The following PKHD1 variants were observed in gnomAD, a reference collection of about 807,000 sequenced individuals.
PKHD1 encodes the protein PKHD1 ciliary IPT domain containing fibrocystin/polyductin.
In PKHD1, 291 loss-of-function variants were observed where a neutral mutation model predicts 412.0. The observed-to-expected ratio is 0.71, with a 90% CI of 0.64 to 0.78. The LOEUF is 0.78. PKHD1 is among the 30% of genes least tolerant of loss of function. The pLI is 0.00. For synonymous variants in PKHD1, 1,777 were observed against 1,821.5 expected (o/e 0.98, Z 0.62); for missense variants, 4,825 against 4,950.7 (o/e 0.97, Z 0.76).
intron 36 of PKHD1, among the ~76,000 whole-genome samples, chr6:51,957,067 C>T (rs570473806): frequency 6.6e-6 from 1 of 152,152 alleles, no homozygotes; most frequent in East Asian, 1.9e-4. Context: ...ACCCATGAAG[C>T]CTTATTTTCC....
Position 51,902,660 on chromosome 6 carries a change from A to C in PKHD1, c.6996+937T>G, listed in dbSNP as rs77850812. ...AGTGGATGCTGAGAGGAGTTTCCTG[A>C]AACAGTGAGGCCCTTAACTCCTTTG... is the stretch of plus-strand genomic sequence containing the variant. On this transcript the variant is annotated intron_variant, in intron 43 of 66. Transcript: ENST00000371117. 4.9e-3 allele frequency among the ~76,000 whole-genome samples: 750 copies of C among 152,316 alleles called. 6 individuals carry two copies. Among genetic ancestry groups the C allele is most frequent in the African/African-American group, 0.017 (718 of 41,574 alleles).
chr6:51,899,503 G>A (rs1464980800), intron 43 of PKHD1, among the ~76,000 whole-genome samples: 1 of 151,818 alleles, frequency 6.6e-6, no homozygotes, highest in Admixed American at 6.6e-5. Context: ...ATTAGGTATT[G>A]ATGGGATGTA....
At chr6:51,899,223 CT>C (rs924819638) in intron 43 of PKHD1, among the ~76,000 whole-genome samples, 1 of 149,986 alleles carries the variant, frequency 6.7e-6, no homozygotes, top group Non-Finnish European at 1.5e-5. Context: ...AAAAAGAGAA[CT>C]TTACACCAAT....
intron 65 of PKHD1, among the ~76,000 whole-genome samples, chr6:51,629,787 A>G (rs1767711661): frequency 6.6e-6 from 1 of 152,252 alleles, no homozygotes; most frequent in East Asian, 1.9e-4. Flanking sequence ...ATAATGATTG[A>G]GAAATTATGG....
At position 51,773,741 on chromosome 6, in the gene PKHD1, G is replaced by A. The variant is rs1223453391; in HGVS notation, c.8555-952C>T. On this transcript the variant is annotated intron_variant, in intron 54 of 66. Transcript: ENST00000371117. ...GAAAACATAGAAATAAAAGAAGCAGGAGACCACTAAGGTACAAATAATATG... is the reference window on the plus strand; with the variant it reads ...GAAAACATAGAAATAAAAGAAGCAGAAGACCACTAAGGTACAAATAATATG... 2.0e-5 allele frequency among the ~76,000 whole-genome samples: 3 copies of A among 150,794 alleles called. No individual in the cohort carries two copies. In the East Asian group the frequency reaches 5.8e-4, roughly 29 times the overall value.
At chr6:51,882,032 T>G (rs937820877) in intron 46 of PKHD1, among the ~76,000 whole-genome samples, 2 of 152,214 alleles carry the variant, frequency 1.3e-5, no homozygotes, top group Non-Finnish European at 2.9e-5. Context: ...ATGATGTCTA[T>G]TTAACATCAA....
intron 66 of PKHD1, among the ~76,000 whole-genome samples, chr6:51,621,082 A>G (rs1247033849): frequency 1.3e-5 from 2 of 152,120 alleles, no homozygotes; most frequent in African/African-American, 4.8e-5. Flanking sequence ...CTCAAACTAC[A>G]TTGATTTATG....
At chr6:51,845,433 C>A (rs945849996) in intron 50 of PKHD1, among the ~76,000 whole-genome samples, 1 of 152,128 alleles carries the variant, frequency 6.6e-6, no homozygotes. Context: ...CACCAATGAC[C>A]ATAAAAGATC....
chr6:51,739,114 TA>T (rs1471630390), intron 60 of PKHD1, among the ~76,000 whole-genome samples: 2 of 147,568 alleles, frequency 1.4e-5, no homozygotes, highest in African/African-American at 4.9e-5. Flanking sequence ...TATATTTATA[TA>T]TTTTTTTACA....
At position 52,083,044 on chromosome 6, in the gene PKHD1, G is replaced by T. The variant is rs138975337; in HGVS notation, c.130+134C>A. 12 of 708,502 alleles carry T rather than the reference G, an allele frequency of 1.7e-5. No homozygotes were observed. In the East Asian group the frequency reaches 3.2e-4, roughly 19 times the overall value. The allele number at this position is 708,502 out of a possible 1,614,324, so 43.9% of individuals were successfully genotyped here. On this transcript the variant is annotated intron_variant, in intron 3 of 66. Coordinates refer to ENST00000371117, the MANE Select transcript of PKHD1 (RefSeq NM_138694.4). ...GCCAGTATCTAGAAAGACAGAAGTT[G>T]GTCAGTCTGTTCGTCTCCCTTCAGG...
At chr6:51,796,386 T>G (rs2151294733) in intron 52 of PKHD1, among the ~76,000 whole-genome samples, 1 of 152,108 alleles carries the variant, frequency 6.6e-6, no homozygotes, top group East Asian at 1.9e-4. Context: ...TTTATTTCAA[T>G]CTTCTCTTTC....
chr6:52,056,582 A>AT, intron 18 of PKHD1, 116 bp downstream of exon 18: 1 of 862,048 alleles, frequency 1.2e-6, no homozygotes, highest in South Asian at 1.4e-5. Flanking sequence ...TCCAGGTTTC[A>AT]TATTTTTTTT....
chr6:51,881,075 C>CTTTTTTTTTTT (rs371470393), intron 46 of PKHD1, among the ~76,000 whole-genome samples: 46 of 133,976 alleles, frequency 3.4e-4, no homozygotes, highest in South Asian at 6.8e-4. Flanking sequence ...CTTTTTCTTT[C>CTTTTTTTTTTT]TTTTTTTTTT....
intron 47 of PKHD1, 63 bp downstream of exon 47, chr6:51,870,441 T>C (rs1270601645): frequency 2.3e-6 from 3 of 1,321,670 alleles, no homozygotes; most frequent in East Asian, 4.6e-5. Flanking sequence ...TTTGCCACTA[T>C]TTATAATACT....
intron 60 of PKHD1, among the ~76,000 whole-genome samples, chr6:51,728,269 G>A (rs867669109): frequency 2.0e-5 from 3 of 152,152 alleles, no homozygotes; most frequent in East Asian, 1.9e-4. Context: ...CAGGGTCTAC[G>A]ATGGCAGCAT....
At chr6:51,968,633 C>T (rs1221970903) in intron 35 of PKHD1, among the ~76,000 whole-genome samples, 1 of 152,140 alleles carries the variant, frequency 6.6e-6, no homozygotes, top group Admixed American at 6.5e-5. Context: ...GAGTGAACTG[C>T]TTAGGGGCCA....
intron 60 of PKHD1, chr6:51,721,782 T>C (rs1392577612): frequency 9.1e-6 from 13 of 1,427,680 alleles, no homozygotes; most frequent in Non-Finnish European, 3.7e-6. Flanking sequence ...TCCTCTCTTT[T>C]GTATTTCTTT....
Position 52,048,305 on chromosome 6 carries a change from G to T in PKHD1, c.2407+187C>A, listed in dbSNP as rs80086449. Among the ~76,000 whole-genome samples the T allele has an allele frequency of 2.7e-3, 405 of 152,268 alleles. 3 individuals are homozygous for T. Among genetic ancestry groups the T allele is most frequent in the African/African-American group, 9.5e-3 (393 of 41,542 alleles). ...CGCATCTACAAAATGTAAAGGTTGG[G>T]GTAGCATTAACAATAAGTCCCTTTC... On this transcript the variant is annotated intron_variant, in intron 23 of 66. Transcript: ENST00000371117.
At chr6:51,880,807 A>ACC in intron 46 of PKHD1, among the ~76,000 whole-genome samples, 1 of 70,404 alleles carries the variant, frequency 1.4e-5, no homozygotes, top group Non-Finnish European at 2.9e-5. Flanking sequence ...AAAAAAAAAA[A>ACC]CACAAAAAAT....
Sources: allele counts gnomAD v4.1 joint callset (sites outside exome capture counted in the v4.1 genomes callset), GRCh38; gene constraint gnomAD v4.1.1; transcripts MANE v1.5; gene names NCBI Gene and HGNC (gene_info 2026-07-23, HGNC 2026-07-21).